COMT: variants seen among roughly 807,000 people sequenced by gnomAD.
COMT encodes catechol-O-methyltransferase.
In COMT, 13 loss-of-function variants were observed where a neutral mutation model predicts 18.9. The observed-to-expected ratio is 0.69, with a 90% confidence interval of 0.45 to 1.09. The LOEUF is 1.09. Ranked by LOEUF, COMT falls within the 50% of genes least tolerant of loss-of-function variation. The pLI, the probability that COMT is intolerant of heterozygous loss-of-function variation, is 0.00. For synonymous variants in COMT, 150 were observed against 160.9 expected (o/e 0.93, Z 0.51); for missense variants, 329 against 361.8 (o/e 0.91, Z 0.73).
At chr22:19,956,148 T>TCC (rs1942055876) in intron 1 of COMT, among the ~76,000 whole-genome samples, 3 of 125,880 alleles carry the variant, frequency 2.4e-5, no homozygotes, top group African/African-American at 9.2e-5. Context: ...TTTTTTTTTT[T>TCC]TTTTTTTTTT....
intron 1 of COMT, among the ~76,000 whole-genome samples, chr22:19,946,170 A>G (rs1054275720): frequency 6.6e-6 from 1 of 151,854 alleles, no homozygotes; most frequent in Non-Finnish European, 1.5e-5. Flanking sequence ...GGCTCAGTGC[A>G]GTCATGTGAT....
At chr22:19,961,034 GTCTCT>G (rs1942180480) in intron 1 of COMT, among the ~76,000 whole-genome samples, 160 bp from the exon 2 acceptor site, 1 of 152,240 alleles carries the variant, frequency 6.6e-6, no homozygotes, top group Non-Finnish European at 1.5e-5. Flanking sequence ...GCCTTCTGCT[GTCTCT>G]TCTGAGGCCG....
Position 19,969,960 on chromosome 22 carries a change from T to A in COMT, c.*1224T>A. 2.0e-6 allele frequency: 2 copies of A among 985,614 alleles called. No homozygotes were observed. Among genetic ancestry groups the A allele is most frequent in the Non-Finnish European group, 2.4e-6 (2 of 829,938 alleles). The allele number at this position is 985,614 out of a possible 1,614,324, so 61.1% of individuals were successfully genotyped here. On this transcript the variant is annotated 3_prime_UTR_variant, in exon 6 of 6. Coordinates refer to ENST00000361682, the MANE Select transcript of COMT (RefSeq NM_000754.4). ...TTTAGGTGTTTACCAATAGTCTTAT[T>A]TTGGCTTATTTTTAATGCTTTTTCT...
intron 5 of COMT, 79 bp downstream of exon 5, chr22:19,964,378 C>G (rs751186737): frequency 7.5e-6 from 12 of 1,594,880 alleles, no homozygotes; most frequent in Non-Finnish European, 8.6e-6. Flanking sequence ...TCCAAAGAGC[C>G]AGGCATTCCA....
intron 1 of COMT, among the ~76,000 whole-genome samples, chr22:19,942,854 T>C (rs1941765462): frequency 6.6e-6 from 1 of 151,916 alleles, no homozygotes; most frequent in South Asian, 2.1e-4. Context: ...TCACCAAAAC[T>C]GGGAAGGGAG....
intron 1 of COMT, among the ~76,000 whole-genome samples, chr22:19,946,211 G>A (rs1941833322): frequency 6.6e-6 from 1 of 152,010 alleles, no homozygotes; most frequent in South Asian, 2.1e-4. Context: ...TCACGCCCAG[G>A]TGCAGTGGCT....
At chr22:19,959,271 C>T (rs1942135141) in intron 1 of COMT, among the ~76,000 whole-genome samples, 2 of 152,240 alleles carry the variant, frequency 1.3e-5, no homozygotes, top group Admixed American at 1.3e-4. Context: ...GCCTGATTCT[C>T]GGCTTTTCAG....
In COMT at chr22:19,949,872, G is replaced by A. The variant is rs180816309; in HGVS notation, c.-92+7975G>A. Among the ~76,000 whole-genome samples, 9 of 152,246 alleles carry A rather than the reference G, an allele frequency of 5.9e-5. No individual in the cohort carries two copies. The East Asian group carries it at 1.7e-3, about 29-fold the overall frequency. ...ATATACCATCTTATAATCTCTAGAGGTATATCCTTTTTATAGTACAATGTT... is the reference window on the plus strand; with the variant it reads ...ATATACCATCTTATAATCTCTAGAGATATATCCTTTTTATAGTACAATGTT... On this transcript the variant is annotated intron_variant, in intron 1 of 5. Transcript: ENST00000361682.
intron 1 of COMT, among the ~76,000 whole-genome samples, chr22:19,948,300 G>T (rs1941873071): frequency 6.6e-6 from 1 of 152,138 alleles, no homozygotes; most frequent in African/African-American, 2.4e-5. Context: ...AAGGTCACAG[G>T]ACAGATCCTT....
intron 1 of COMT, among the ~76,000 whole-genome samples, chr22:19,948,408 A>G (rs1166891761): frequency 6.6e-6 from 1 of 152,050 alleles, no homozygotes; most frequent in Non-Finnish European, 1.5e-5. Flanking sequence ...TAATCCCAAC[A>G]CTTTGGGAGT....
At position 19,953,435 on chromosome 22, in the gene COMT, A is replaced by G. The variant is rs192111334; in HGVS notation, c.-91-7764A>G. 6.8e-3 allele frequency among the ~76,000 whole-genome samples: 1,033 copies of G among 152,238 alleles called. 18 individuals carry two copies. The highest frequency in any genetic ancestry group is 0.024 in the African/African-American group (995 of 41,542). On this transcript the variant is annotated intron_variant, in intron 1 of 5. Transcript: ENST00000361682. ...CAGCCTCCCGAGTAGCTGGGACTAC[A>G]GGCACCCGCCACCATGCCCGGCTCA...
intron 1 of COMT, among the ~76,000 whole-genome samples, chr22:19,950,221 TTTTTC>T (rs1232478221): frequency 3.6e-4 from 47 of 132,208 alleles, no homozygotes; most frequent in African/African-American, 1.2e-3. Context: ...TTTTATATAT[TTTTTC>T]TTTTCTTTTC....
In COMT at chr22:19,968,577, C is replaced by T; in HGVS notation, c.657C>T (p.Asp219=). Residue 219 remains aspartate, a synonymous_variant, in exon 6 of 6, where the codon GAC becomes GAT. Transcript: ENST00000361682. ...GGAAGGGGACAGTGCTACTGGCTGA[C>T]AACGTGATCTGCCCAGGTGCGCCAG... ...LLRKGTVLLA[D]NVICPGAPDF... is the part of the protein sequence containing the mutation. 6.2e-7 allele frequency: 1 copy of T among 1,614,106 alleles called. No individual in the cohort carries two copies. The highest frequency in any genetic ancestry group is 8.5e-7 in the Non-Finnish European group (1 of 1,180,014).
At position 19,968,739 on chromosome 22, in the gene COMT, G is replaced by GCC. The variant is rs397758621; in HGVS notation, c.*9_*10dup. 1,498 of 1,594,896 alleles carry GCC rather than the reference G, an allele frequency of 9.4e-4. 5 individuals are homozygous for GCC. The highest frequency in any genetic ancestry group is 2.3e-3 in the South Asian group (207 of 90,364). On this transcript the variant is annotated 3_prime_UTR_variant, in exon 6 of 6. Transcript: ENST00000361682. ...CAGGCAGCGAAGCAGGGCCCTGACT[G>GCC]CCCCCCCGGCCCCCCTCTCGGGCTC...
chr22:19,950,194 C>A (rs1601510656), intron 1 of COMT, among the ~76,000 whole-genome samples: 1 of 136,786 alleles, frequency 7.3e-6, no homozygotes, highest in South Asian at 2.4e-4. Flanking sequence ...CTAGTTCTCA[C>A]TTTTTTTTTT....
At chr22:19,960,288 A>G (rs1235041918) in intron 1 of COMT, among the ~76,000 whole-genome samples, 1 of 152,224 alleles carries the variant, frequency 6.6e-6, no homozygotes, top group East Asian at 1.9e-4. Context: ...AAAATGGCCC[A>G]TTATCTGACC....
At chr22:19,968,394 T>C in intron 5 of COMT, 142 bp from the exon 6 acceptor site, 1 of 794,120 alleles carries the variant, frequency 1.3e-6, no homozygotes, top group Non-Finnish European at 2.1e-6. Context: ...GGAGTCACGC[T>C]GGGCAGAAAG....
At chr22:19,968,406 G>A (rs993728200) in intron 5 of COMT, 130 bp from the exon 6 acceptor site, 30 of 886,604 alleles carry the variant, frequency 3.4e-5, no homozygotes, top group South Asian at 7.1e-5. Flanking sequence ...GGCAGAAAGT[G>A]GAAACCTGGC....
intron 1 of COMT, among the ~76,000 whole-genome samples, chr22:19,960,150 G>A (rs1344513908): frequency 6.6e-6 from 1 of 152,240 alleles, no homozygotes; most frequent in Non-Finnish European, 1.5e-5. Flanking sequence ...CACAATTCAA[G>A]TATTAACGCA....
Sources: gnomAD v4.1 joint callset for allele counts (sites outside exome capture counted in the v4.1 genomes callset) on GRCh38, gnomAD v4.1.1 for gene constraint, MANE v1.5 for transcripts, NCBI Gene and HGNC (gene_info 2026-07-23, HGNC 2026-07-21) for gene names.